Variants in MYO1E observed in about 807,000 individuals in gnomAD.
The protein encoded by MYO1E is myosin IE, also known as unconventional myosin-Ie.
Under a neutral mutation model 151.1 loss-of-function variants are expected in MYO1E, and 68 were observed. The observed-to-expected ratio is 0.45, with a 90% confidence interval of 0.37 to 0.55. The LOEUF (loss-of-function observed/expected upper bound fraction) is 0.55, where lower values mean the gene tolerates loss of function less well. Among genes scored for constraint, MYO1E ranks in the 20% least tolerant of loss-of-function variants. The pLI is 0.00. For synonymous variants in MYO1E, 601 were observed against 501.7 expected (o/e 1.20, Z -2.64); for missense variants, 1,363 against 1,389.3 (o/e 0.98, Z 0.30).
At chr15:59,372,401 CT>C in intron 1 of MYO1E, 96 bp downstream of exon 1, 1 of 1,457,970 alleles carries the variant, frequency 6.9e-7, no homozygotes, top group Non-Finnish European at 9.3e-7. Flanking sequence ...TTCTCCACCC[CT>C]GGCCCCGGCA....
At chr15:59,243,604 A>C (rs1462544703) in intron 4 of MYO1E, among the ~76,000 whole-genome samples, 2 of 152,202 alleles carry the variant, frequency 1.3e-5, no homozygotes, top group Non-Finnish European at 2.9e-5. Context: ...TAAGACCCTC[A>C]TATGGGTTGA....
intron 26 of MYO1E, among the ~76,000 whole-genome samples, chr15:59,142,159 C>T (rs1222629800): frequency 6.6e-6 from 1 of 152,052 alleles, no homozygotes; most frequent in Non-Finnish European, 1.5e-5. Flanking sequence ...ACAGAGGCAT[C>T]TATCCATATT....
At chr15:59,166,702 CCCAGAATTCTACCACTCAGAGAAA>C (rs1205946836) in intron 22 of MYO1E, among the ~76,000 whole-genome samples, 1 of 152,044 alleles carries the variant, frequency 6.6e-6, no homozygotes, top group African/African-American at 2.4e-5. Context: ...ATAAACCTTG[CCCAGAATTCTACCACTCAGAGAAA>C]CCAGTGGCAC....
chr15:59,233,662 A>T (rs991265592), intron 5 of MYO1E, among the ~76,000 whole-genome samples: 36 of 22,806 alleles, frequency 1.6e-3, no homozygotes, highest in East Asian at 3.3e-3. Flanking sequence ...GACTCCGTCT[A>T]AAAAAAAAAA....
At chr15:59,144,197 C>T (rs2079427542) in intron 26 of MYO1E, among the ~76,000 whole-genome samples, 1 of 151,888 alleles carries the variant, frequency 6.6e-6, no homozygotes, top group South Asian at 2.1e-4. Flanking sequence ...GACTGAGTCT[C>T]ACTCTATGAC....
At chr15:59,310,724 AG>A (rs1392850746) in intron 1 of MYO1E, among the ~76,000 whole-genome samples, 2 of 152,194 alleles carry the variant, frequency 1.3e-5, no homozygotes, top group African/African-American at 4.8e-5. Context: ...AATGAATTAT[AG>A]TATCTAAAGA....
chr15:59,319,550 C>CTTTTTTTTTTTTTTTT lies in MYO1E; in HGVS notation c.4-47117_4-47102dup, dbSNP rs59491381. Among the ~76,000 whole-genome samples the CTTTTTTTTTTTTTTTT allele has an allele frequency of 7.2e-4, 46 of 63,712 alleles. 4 individuals are homozygous for CTTTTTTTTTTTTTTTT. The highest frequency in any genetic ancestry group is 1.1e-3 in the African/African-American group (25 of 22,410). 41.8% of individuals were successfully genotyped at this position (63,712 alleles called of 152,430 possible). On this transcript the variant is annotated intron_variant, in intron 1 of 27. Coordinates refer to ENST00000288235, the MANE Select transcript of MYO1E (RefSeq NM_004998.4). Reference sequence around the variant, plus strand: ...AAGATAGGAAAAGAAGTCAAACTACCTTTTTTTTTTTTTTTTTTTTTTTTT... The same window carrying CTTTTTTTTTTTTTTTT: ...AAGATAGGAAAAGAAGTCAAACTACCTTTTTTTTTTTTTTTTTTTTTTTTTTTTTTTTTTTTTTTTT...
At chr15:59,322,600 G>C (rs1324005110) in intron 1 of MYO1E, among the ~76,000 whole-genome samples, 6 of 152,196 alleles carry the variant, frequency 3.9e-5, no homozygotes, top group African/African-American at 1.4e-4. Flanking sequence ...ATGAGAGCCA[G>C]AGATGGGCTG....
At chr15:59,272,238 A>AGCCACTGCACCCAGCATAT in intron 2 of MYO1E, 68 bp downstream of exon 2, 1 of 1,582,346 alleles carries the variant, frequency 6.3e-7, no homozygotes. Flanking sequence ...ACCCAGCATA[A>AGCCACTGCACCCAGCATAT]AGCCACAATT....
intron 18 of MYO1E, among the ~76,000 whole-genome samples, chr15:59,181,952 T>C (rs1250817722): frequency 1.3e-5 from 2 of 152,176 alleles, no homozygotes; most frequent in African/African-American, 2.4e-5. Context: ...CAATTACTTG[T>C]AGAGCATCAT....
intron 1 of MYO1E, among the ~76,000 whole-genome samples, chr15:59,324,577 G>C (rs2080650678): frequency 6.6e-6 from 1 of 152,058 alleles, no homozygotes; most frequent in Non-Finnish European, 1.5e-5. Context: ...GCCAGATAGA[G>C]CTCCTCAAGT....
chr15:59,216,431 A>G (rs1220477950), intron 10 of MYO1E, among the ~76,000 whole-genome samples: 1 of 151,794 alleles, frequency 6.6e-6, no homozygotes, highest in Non-Finnish European at 1.5e-5. Context: ...TTAGTTCTAT[A>G]TAAGTGCCTG....
At chr15:59,325,657 A>G (rs1390992994) in intron 1 of MYO1E, among the ~76,000 whole-genome samples, 1 of 152,204 alleles carries the variant, frequency 6.6e-6, no homozygotes, top group African/African-American at 2.4e-5. Flanking sequence ...TTAATTTAGC[A>G]TTTCTTCATT....
intron 9 of MYO1E, chr15:59,218,288 T>C (rs372485922): frequency 1.9e-5 from 13 of 698,536 alleles, no homozygotes; most frequent in African/African-American, 8.7e-5. Context: ...TTTTTCCCAA[T>C]TGTTTTATGA....
At chr15:59,299,932 C>T (rs139255611) in intron 1 of MYO1E, among the ~76,000 whole-genome samples, 17 of 152,308 alleles carry the variant, frequency 1.1e-4, no homozygotes, top group Admixed American at 8.5e-4. Context: ...AGCTGTGAGA[C>T]GCACAAATTT....
intron 4 of MYO1E, among the ~76,000 whole-genome samples, chr15:59,250,949 A>G (rs2080160993): frequency 6.6e-6 from 1 of 152,124 alleles, no homozygotes; most frequent in Admixed American, 6.5e-5. Flanking sequence ...GGGCTGCAGA[A>G]GACTGAGGGG....
intron 25 of MYO1E, among the ~76,000 whole-genome samples, chr15:59,157,963 C>T (rs533552030): frequency 3.9e-5 from 6 of 152,322 alleles, no homozygotes; most frequent in African/African-American, 1.4e-4. Context: ...AAGCAGCATC[C>T]TGTGTCTTAA....
At chr15:59,268,720 A>ATTTTTTTTTTTGTTTTTTTTTT (rs2080271680) in intron 2 of MYO1E, among the ~76,000 whole-genome samples, 1 of 44,906 alleles carries the variant, frequency 2.2e-5, no homozygotes. Flanking sequence ...TGACTTTGGT[A>ATTTTTTTTTTTGTTTTTTTTTT]TTTTTTTTTT....
rs1244446908 is a variant in MYO1E, at chr15:59,159,012, T to C, written c.2786-633A>G. 3.9e-5 allele frequency among the ~76,000 whole-genome samples: 6 copies of C among 152,096 alleles called. No homozygotes were observed. The highest frequency in any genetic ancestry group is 9.7e-5 in the African/African-American group (4 of 41,412). The stretch of plus-strand genomic sequence containing the variant: ...GAGGAGATCTCTGCAGAGACATCTA[T>C]GTGGGGAAGAAAAACAATAGGGTCT... On this transcript the variant is annotated intron_variant, in intron 24 of 27. Coordinates refer to ENST00000288235, the MANE Select transcript of MYO1E (RefSeq NM_004998.4). The surrounding 1 kb of genome is among the most constrained non-coding windows in gnomAD (Gnocchi z 4.4).
Sources: gnomAD v4.1 joint callset for allele counts (sites outside exome capture counted in the v4.1 genomes callset) on GRCh38, gnomAD v4.1.1 for gene constraint, Gnocchi (gnomAD v3.1) non-coding constraint, MANE v1.5 for transcripts, NCBI Gene and HGNC (gene_info 2026-07-23, HGNC 2026-07-21) for gene names.